LYRM7: variants seen among roughly 807,000 people sequenced by gnomAD.
LYRM7 encodes the protein complex III assembly factor LYRM7.
A neutral mutation model predicts 15.8 loss-of-function variants in LYRM7; 9 were observed. The observed-to-expected ratio is 0.57, with a 90% CI of 0.34 to 0.99. The LOEUF is 0.99. Among genes scored for constraint, LYRM7 ranks in the 50% least tolerant of loss-of-function variants. LYRM7 has a pLI of 0.02. For missense variants in LYRM7, 115 were observed against 119.1 expected, an observed-to-expected ratio of 0.97 and a Z score of 0.16; for synonymous variants, 39 against 39.4, an observed-to-expected ratio of 0.99 and a Z score of 0.04.
At chr5:131,191,092 A>G (rs896932111) in intron 4 of LYRM7, among the ~76,000 whole-genome samples, 2 of 151,936 alleles carry the variant, frequency 1.3e-5, no homozygotes, top group Non-Finnish European at 1.5e-5. Context: ...ACAGAATTAA[A>G]TATTTTGACT....
At chr5:131,199,420 A>G (rs1370917228) in intron 4 of LYRM7, 111 bp from the exon 5 acceptor site, 1 of 690,038 alleles carries the variant, frequency 1.4e-6, no homozygotes, top group Non-Finnish European at 2.3e-6. Context: ...TGGAAGATTT[A>G]TCTTAAAACT....
chr5:131,195,931 C>G (rs988035469), intron 4 of LYRM7, among the ~76,000 whole-genome samples: 1 of 152,072 alleles, frequency 6.6e-6, no homozygotes, highest in Non-Finnish European at 1.5e-5. Context: ...TCAGCAGGAC[C>G]TAATGGAAAC....
At chr5:131,188,232 G>T (rs930275993) in intron 4 of LYRM7, among the ~76,000 whole-genome samples, 1 of 152,032 alleles carries the variant, frequency 6.6e-6, no homozygotes, top group Non-Finnish European at 1.5e-5. Context: ...ACTCCAGCCT[G>T]GGCGACAGAG....
rs929138942 is a variant in LYRM7, at chr5:131,204,002, A to G, written c.*4401A>G. The stretch of plus-strand genomic sequence containing the variant: ...TCATCAAGTTGTCACAAGTTAGACA[A>G]TCATATCCAATATTTTTAAAGGTTG... On this transcript the variant is annotated 3_prime_UTR_variant, in exon 5 of 5. Transcript: ENST00000379380. The G allele has an allele frequency of 6.6e-6, 1 of 152,212 alleles. No individual in the cohort carries two copies. Among genetic ancestry groups the G allele is most frequent in the Non-Finnish European group, 1.5e-5 (1 of 68,024 alleles). The allele number at this position is 152,212 out of a possible 1,614,324, so 9.4% of individuals were successfully genotyped here. A position where few individuals can be genotyped will look rare whatever the true frequency, so the allele number is the denominator to read the frequency against.
intron 4 of LYRM7, among the ~76,000 whole-genome samples, chr5:131,197,315 G>A (rs976862586): frequency 1.9e-4 from 29 of 152,226 alleles, no homozygotes; most frequent in African/African-American, 6.7e-4. Context: ...AAGTTAAAAT[G>A]CACACTACAA....
rs115380662 is a variant in LYRM7 at position 131,183,381 on chromosome 5, A to G, written c.162+1082A>G. On this transcript the variant is annotated intron_variant, in intron 3 of 4. Transcript: ENST00000379380. ...TTGAAGGGAAGTTAAAAGGTATATGAGGAAGTTTGTACTGTTTGCTATTCA... is the reference window on the plus strand; with the variant it reads ...TTGAAGGGAAGTTAAAAGGTATATGGGGAAGTTTGTACTGTTTGCTATTCA... 3.5e-3 allele frequency among the ~76,000 whole-genome samples: 530 copies of G among 152,326 alleles called. 4 individuals carry two copies. The highest frequency in any genetic ancestry group is 6.8e-3 in the Middle Eastern group (2 of 294).
chr5:131,176,339 A>G (rs1480708914), intron 1 of LYRM7, among the ~76,000 whole-genome samples: 1 of 152,174 alleles, frequency 6.6e-6, no homozygotes, highest in Non-Finnish European at 1.5e-5. Context: ...ACCATTTTAA[A>G]TGCCAAACAA....
rs1009865923 is a variant in LYRM7, at chr5:131,178,139, A to G, written c.19-1956A>G. Among the ~76,000 whole-genome samples, 6 of 151,848 alleles carry G rather than the reference A, an allele frequency of 4.0e-5. No individual in the cohort carries two copies. In the East Asian group the frequency reaches 1.2e-3, roughly 29 times the overall value. ...TGCTCTGTTTCTTATTTCTGTTTTCATGTCTGCCTTTGATGTTATAGGTTT... is the reference window on the plus strand; with the variant it reads ...TGCTCTGTTTCTTATTTCTGTTTTCGTGTCTGCCTTTGATGTTATAGGTTT... On this transcript the variant is annotated intron_variant, in intron 1 of 4. Transcript: ENST00000379380.
intron 2 of LYRM7, among the ~76,000 whole-genome samples, chr5:131,181,388 ACATATATAT>A (rs1446857741): frequency 7.3e-5 from 7 of 95,876 alleles, no homozygotes; most frequent in African/African-American, 5.2e-4. Context: ...TATAATATAT[ACATATATAT>A]TATATATACA....
intron 2 of LYRM7, among the ~76,000 whole-genome samples, chr5:131,181,356 TATATTA>T (rs1755696416): frequency 2.8e-5 from 1 of 36,256 alleles, no homozygotes; most frequent in African/African-American, 2.0e-4. Context: ...ATGTTATATA[TATATTA>T]ACATATATAT....
chr5:131,175,062 G>A (rs1452287095), intron 1 of LYRM7, among the ~76,000 whole-genome samples: 2 of 151,902 alleles, frequency 1.3e-5, no homozygotes, highest in Admixed American at 6.6e-5. Flanking sequence ...AAATATCCGC[G>A]AACCATGCTT....
At position 131,204,913 on chromosome 5, in the gene LYRM7, T is replaced by C. The variant is rs1002936317; in HGVS notation, c.*5312T>C. ...GGAAGGAAGCAGTAAGTGAGAACTT[T>C]TATTCTATTTACTCCTGCACGTTTA... On this transcript the variant is annotated 3_prime_UTR_variant, in exon 5 of 5. Coordinates refer to ENST00000379380, the MANE Select transcript of LYRM7 (RefSeq NM_181705.4). 6.6e-6 allele frequency: 1 copy of C among 152,312 alleles called. No individual in the cohort carries two copies. The highest frequency in any genetic ancestry group is 2.4e-5 in the African/African-American group (1 of 41,450). 9.4% of individuals were successfully genotyped at this position (152,312 alleles called of 1,614,324 possible). A position where few individuals can be genotyped will look rare whatever the true frequency, so the allele number is the denominator to read the frequency against.
intron 4 of LYRM7, among the ~76,000 whole-genome samples, chr5:131,188,041 G>C (rs1239409851): frequency 6.6e-6 from 1 of 151,926 alleles, no homozygotes; most frequent in Non-Finnish European, 1.5e-5. Flanking sequence ...AGTCTAGATT[G>C]AGCCCAGGAG....
At position 131,201,357 on chromosome 5, in the gene LYRM7, T is replaced by C. The variant is rs1278692883; in HGVS notation, c.*1756T>C. 1 of 149,478 alleles carries C rather than the reference T, an allele frequency of 6.7e-6. No homozygotes were observed. Among genetic ancestry groups the C allele is most frequent in the Non-Finnish European group, 1.5e-5 (1 of 67,310 alleles). The allele number at this position is 149,478 out of a possible 1,614,324, so 9.3% of individuals were successfully genotyped here. On this transcript the variant is annotated 3_prime_UTR_variant, in exon 5 of 5. Transcript: ENST00000379380. ...AAAAGGAAAAAGGAAAAAAAAAAGA[T>C]ATATTGATACAGATAGGTAGATATG...
At chr5:131,192,056 C>T (rs1469634488) in intron 4 of LYRM7, among the ~76,000 whole-genome samples, 37 of 150,670 alleles carry the variant, frequency 2.5e-4, no homozygotes, top group Non-Finnish European at 1.3e-4. Context: ...CACACACACA[C>T]ACACACACAC....
chr5:131,189,151 C>T (rs1198586164), intron 4 of LYRM7, among the ~76,000 whole-genome samples: 2 of 147,196 alleles, frequency 1.4e-5, no homozygotes, highest in South Asian at 2.2e-4. Context: ...ATCTCAAAAA[C>T]AAAAACAAAG....
chr5:131,189,444 CAAAAAAAAA>C (rs71000976), intron 4 of LYRM7, among the ~76,000 whole-genome samples: 16 of 46,178 alleles, frequency 3.5e-4, no homozygotes, highest in Admixed American at 1.5e-3. Flanking sequence ...CTCCGTCTCC[CAAAAAAAAA>C]AAAAAAAAAA....
chr5:131,199,802 TAGATA>T lies in LYRM7; in HGVS notation c.*205_*209del. 1 of 362,122 alleles carries T rather than the reference TAGATA, an allele frequency of 2.8e-6. No homozygotes were observed. Among genetic ancestry groups the T allele is most frequent in the Non-Finnish European group, 5.0e-6 (1 of 200,836 alleles). 22.4% of individuals were successfully genotyped at this position (362,122 alleles called of 1,614,324 possible). A position where few individuals can be genotyped will look rare whatever the true frequency, so the allele number is the denominator to read the frequency against. ...ATAATTAAGTATTTCTAAAGGAAATTAGATAAGAAAACATTTCATTTTCATTGAAA... is the reference window on the plus strand; with the variant it reads ...ATAATTAAGTATTTCTAAAGGAAATTAGAAAACATTTCATTTTCATTGAAA... On this transcript the variant is annotated 3_prime_UTR_variant, in exon 5 of 5. Transcript: ENST00000379380.
chr5:131,196,888 C>G (rs1230044914), intron 4 of LYRM7, among the ~76,000 whole-genome samples: 1 of 151,998 alleles, frequency 6.6e-6, no homozygotes, highest in East Asian at 1.9e-4. Flanking sequence ...GAACTCCTGA[C>G]TTTGTGATCC....
Sources: gnomAD v4.1 joint callset for allele counts (sites outside exome capture counted in the v4.1 genomes callset) on GRCh38, gnomAD v4.1.1 for gene constraint, MANE v1.5 for transcripts, NCBI Gene and HGNC (gene_info 2026-07-23, HGNC 2026-07-21) for gene names.